DLC1: variants seen among roughly 807,000 people sequenced by gnomAD.
The protein encoded by DLC1 is rho GTPase-activating protein 7.
Under a neutral mutation model 140.3 loss-of-function variants are expected in DLC1, and 54 were observed. That is an observed-to-expected ratio of 0.38 (90% CI 0.31 to 0.48). The LOEUF (loss-of-function observed/expected upper bound fraction) is 0.48, where lower values mean the gene tolerates loss of function less well. Among genes scored for constraint, DLC1 ranks in the 20% least tolerant of loss-of-function variants. The pLI is 0.96. For synonymous variants in DLC1, 986 were observed against 728.1 expected (o/e 1.35, Z -5.70); for missense variants, 2,536 against 1,907.0 (o/e 1.33, Z -6.14).
At chr8:13,310,591 C>A (rs1432529344) in intron 4 of DLC1, among the ~76,000 whole-genome samples, 2 of 152,150 alleles carry the variant, frequency 1.3e-5, no homozygotes, top group Non-Finnish European at 2.9e-5. Context: ...TGAAAGACAG[C>A]ATGAAAGGAA....
At chr8:13,400,635 G>A (rs902977290) in intron 3 of DLC1, among the ~76,000 whole-genome samples, 1 of 152,002 alleles carries the variant, frequency 6.6e-6, no homozygotes, top group African/African-American at 2.4e-5. Context: ...TATTTCAGTA[G>A]GTGCTCAAAT....
At chr8:13,539,740 A>ATGTGTGTG (rs1433337591) in intron 1 of DLC1, among the ~76,000 whole-genome samples, 6 of 115,984 alleles carry the variant, frequency 5.2e-5, no homozygotes, top group South Asian at 2.7e-4. Context: ...GCATTAAGAA[A>ATGTGTGTG]TGTGTGTGTA....
chr8:13,358,691 C>CAAA (rs35603108), intron 4 of DLC1, among the ~76,000 whole-genome samples: 8 of 149,320 alleles, frequency 5.4e-5, no homozygotes, highest in African/African-American at 2.0e-4. Flanking sequence ...AGGAAGGAGC[C>CAAA]AAAAAAAAAT....
At chr8:13,177,925 A>C (rs28733113) in intron 5 of DLC1, among the ~76,000 whole-genome samples, 36,472 of 151,668 alleles carry the variant, frequency 0.24, 5,877 homozygotes, top group African/African-American at 0.46. Flanking sequence ...GTTAGACCCC[A>C]AAAAAAAGGG....
At chr8:13,304,142 A>G (rs1024326428) in intron 5 of DLC1, among the ~76,000 whole-genome samples, 1 of 152,182 alleles carries the variant, frequency 6.6e-6, no homozygotes, top group African/African-American at 2.4e-5. Context: ...TCCATTCAAT[A>G]TATGGTAAAT....
At chr8:13,541,533 T>C (rs902669489) in intron 1 of DLC1, among the ~76,000 whole-genome samples, 3 of 152,128 alleles carry the variant, frequency 2.0e-5, no homozygotes, top group Admixed American at 6.6e-5. Flanking sequence ...TTTCTAATGA[T>C]TTTGGGAATC....
chr8:13,172,750 CT>C (rs1169987368), intron 5 of DLC1, among the ~76,000 whole-genome samples: 1 of 152,170 alleles, frequency 6.6e-6, no homozygotes, highest in Non-Finnish European at 1.5e-5. Context: ...AGTAGCTTCG[CT>C]GATCTAACAG....
chr8:13,199,605 T>C (rs1277635932), intron 5 of DLC1, among the ~76,000 whole-genome samples: 2 of 152,208 alleles, frequency 1.3e-5, no homozygotes, highest in Non-Finnish European at 2.9e-5. Context: ...AACTCATTTC[T>C]TCTTGCTGTA....
chr8:13,273,997 C>T (rs141174904), intron 5 of DLC1, among the ~76,000 whole-genome samples: 33 of 152,250 alleles, frequency 2.2e-4, no homozygotes, highest in Middle Eastern at 3.4e-3. Context: ...TTACCTGTTA[C>T]CTCATTAATT....
chr8:13,516,812 G>T (rs752065725), upstream of DLC1, among the ~76,000 whole-genome samples: 34 of 151,924 alleles, frequency 2.2e-4, no homozygotes, highest in African/African-American at 5.1e-4. Context: ...ACAATTTTGC[G>T]TGTATTCATA....
In DLC1 at chr8:13,421,365, C is replaced by G. The variant is rs558925284; in HGVS notation, c.1024-19746G>C. The stretch of plus-strand genomic sequence containing the variant: ...TAGCGTCTATGCACAGAGTAGGATT[C>G]AAAAATATTTTTAAATTAATTAGCA... On this transcript the variant is annotated intron_variant, in intron 2 of 17. Coordinates refer to ENST00000276297, the MANE Select transcript of DLC1 (RefSeq NM_182643.3). 1.6e-3 allele frequency among the ~76,000 whole-genome samples: 244 copies of G among 152,112 alleles called. 1 individual carries two copies. Among genetic ancestry groups the G allele is most frequent in the African/African-American group, 5.6e-3 (231 of 41,522 alleles).
rs182094384 is a variant in DLC1, at chr8:13,431,558, C to T, written c.1024-29939G>A. ...GATGTCACAACTCTGTCTCTCTTGTCTCTACCTGTCTTTGTGATGACTTTG... is the reference window on the plus strand; with the variant it reads ...GATGTCACAACTCTGTCTCTCTTGTTTCTACCTGTCTTTGTGATGACTTTG... On this transcript the variant is annotated intron_variant, in intron 2 of 17. Transcript: ENST00000276297. Among the ~76,000 whole-genome samples, 213 of 140,904 alleles carry T rather than the reference C, an allele frequency of 1.5e-3. 2 individuals carry two copies. Among genetic ancestry groups the T allele is most frequent in the African/African-American group, 5.1e-3 (195 of 38,470 alleles). The allele number at this position is 140,904 out of a possible 152,430, so 92.4% of individuals were successfully genotyped here. A position where few individuals can be genotyped will look rare whatever the true frequency, so the allele number is the denominator to read the frequency against.
rs1299263285 is a variant in DLC1 at position 13,179,580 on chromosome 8, G to A, written c.1349-63923C>T. Among the ~76,000 whole-genome samples, 3 of 151,878 alleles carry A rather than the reference G, an allele frequency of 2.0e-5. No individual in the cohort carries two copies. In the South Asian group the frequency reaches 6.2e-4, roughly 32 times the overall value. ...AACAAAAAATATAGAAATTAGCTGG[G>A]CATGGTAGCTCACACCTGTAGTCCC... On this transcript the variant is annotated intron_variant, in intron 5 of 17. Coordinates refer to ENST00000276297, the MANE Select transcript of DLC1 (RefSeq NM_182643.3).
intron 4 of DLC1, among the ~76,000 whole-genome samples, chr8:13,393,042 C>A (rs1021096): frequency 0.13 from 19,677 of 152,018 alleles, 1,567 homozygotes; most frequent in Non-Finnish European, 0.19. Context: ...CTATATCAAT[C>A]TAAATATATT....
At chr8:13,389,291 G>C (rs1836650325) in intron 4 of DLC1, among the ~76,000 whole-genome samples, 1 of 152,044 alleles carries the variant, frequency 6.6e-6, no homozygotes, top group African/African-American at 2.4e-5. Flanking sequence ...AACCTTTCGT[G>C]AAACAATCCT....
chr8:13,273,740 G>A (rs1440022955), intron 5 of DLC1, among the ~76,000 whole-genome samples: 40 of 150,214 alleles, frequency 2.7e-4, no homozygotes, highest in African/African-American at 6.1e-4. Flanking sequence ...AAGGGGGAAG[G>A]GGGGAGGGAG....
intron 2 of DLC1, among the ~76,000 whole-genome samples, chr8:13,496,111 G>T (rs1443606659): frequency 1.3e-5 from 2 of 152,000 alleles, no homozygotes; most frequent in Non-Finnish European, 2.9e-5. Context: ...TCTACCACTT[G>T]ACCATTTGCC....
chr8:13,252,111 C>T (rs1248125060), intron 5 of DLC1, among the ~76,000 whole-genome samples: 1 of 152,058 alleles, frequency 6.6e-6, no homozygotes, highest in Non-Finnish European at 1.5e-5. Flanking sequence ...GGATAAAATT[C>T]TCTAATTTTG....
At chr8:13,366,305 C>T (rs973700749) in intron 4 of DLC1, among the ~76,000 whole-genome samples, 3 of 152,258 alleles carry the variant, frequency 2.0e-5, no homozygotes, top group South Asian at 2.1e-4. Context: ...GAGAAAATGT[C>T]TGTTGAGCAT....
Sources: allele counts gnomAD v4.1 joint callset (sites outside exome capture counted in the v4.1 genomes callset), GRCh38; gene constraint gnomAD v4.1.1; transcripts MANE v1.5; gene names NCBI Gene and HGNC (gene_info 2026-07-23, HGNC 2026-07-21).